The following PDE1C variants were observed in gnomAD, a reference collection of about 807,000 sequenced individuals.
The protein encoded by PDE1C is dual specificity calcium/calmodulin-dependent 3',5'-cyclic nucleotide phosphodiesterase 1C.
A neutral mutation model predicts 93.1 loss-of-function variants in PDE1C; 62 were observed. The ratio of observed to expected loss-of-function variants is 0.67; its 90% confidence interval spans 0.54 to 0.82. The LOEUF is 0.82. Ranked by LOEUF, PDE1C falls within the 40% of genes least tolerant of loss-of-function variation. The pLI, the probability that PDE1C is intolerant of heterozygous loss-of-function variation, is 0.00. For synonymous variants in PDE1C, 325 were observed against 310.1 expected, an observed-to-expected ratio of 1.05 and a Z score of -0.50; for missense variants, 742 against 884.6, an observed-to-expected ratio of 0.84 and a Z score of 2.04.
intron 17 of PDE1C, among the ~76,000 whole-genome samples, chr7:31,770,295 C>A (rs1795401511): frequency 6.6e-6 from 1 of 152,104 alleles, no homozygotes; most frequent in Non-Finnish European, 1.5e-5. Flanking sequence ...ATTCTGGATA[C>A]AAGATCCTCA....
chr7:32,125,687 G>T (rs1438924429), intron 3 of PDE1C, among the ~76,000 whole-genome samples: 1 of 152,006 alleles, frequency 6.6e-6, no homozygotes, highest in Non-Finnish European at 1.5e-5. Context: ...ATGGATAGAG[G>T]GAAGGGAACA....
intron 1 of PDE1C, among the ~76,000 whole-genome samples, chr7:32,407,086 C>T (rs372428822): frequency 6.4e-4 from 98 of 152,238 alleles, no homozygotes; most frequent in Admixed American, 1.0e-3. Context: ...CCAGCCTGGC[C>T]AACATGGTGA....
chr7:32,032,564 G>C (rs942861011), intron 2 of PDE1C, among the ~76,000 whole-genome samples: 1 of 152,170 alleles, frequency 6.6e-6, no homozygotes, highest in South Asian at 2.1e-4. Context: ...AAAGAGAAAA[G>C]TGACTGGACT....
chr7:31,661,196 C>T, the PDE1C span, among the ~76,000 whole-genome samples: 1 of 151,912 alleles, frequency 6.6e-6, no homozygotes, highest in African/African-American at 2.4e-5. Context: ...TAGCCTGATG[C>T]CTATTTTGAG....
At chr7:32,085,157 A>T (rs1796988994) in intron 3 of PDE1C, among the ~76,000 whole-genome samples, 1 of 151,884 alleles carries the variant, frequency 6.6e-6, no homozygotes, top group South Asian at 2.1e-4. Context: ...GCAATAAAAA[A>T]TGATAAAGGA....
At chr7:31,706,014 T>C in the PDE1C span, among the ~76,000 whole-genome samples, 7 of 117,660 alleles carry the variant, frequency 5.9e-5, no homozygotes, top group African/African-American at 2.6e-4. Context: ...TTTTTTTTTT[T>C]TTTTTTTTGA....
At chr7:32,420,622 G>A (rs1785412843) in intron 1 of PDE1C, among the ~76,000 whole-genome samples, 1 of 151,258 alleles carries the variant, frequency 6.6e-6, no homozygotes, top group Non-Finnish European at 1.5e-5. Flanking sequence ...CGTGAGATTT[G>A]AGTAAGATTG....
intron 1 of PDE1C, among the ~76,000 whole-genome samples, chr7:32,347,817 A>T (rs954796842): frequency 1.3e-5 from 2 of 152,260 alleles, no homozygotes; most frequent in African/African-American, 4.8e-5. Context: ...ATTCTTCTCC[A>T]GATAAGAATG....
intron 3 of PDE1C, among the ~76,000 whole-genome samples, chr7:32,130,648 G>C (rs146573262): frequency 7.2e-5 from 11 of 151,810 alleles, no homozygotes; most frequent in Admixed American, 2.0e-4. Flanking sequence ...AACTCTTCTT[G>C]TCCCTGTAGT....
chr7:31,653,155 T>C, the PDE1C span: 21 of 292,356 alleles, frequency 7.2e-5, no homozygotes, highest in African/African-American at 3.8e-4. Flanking sequence ...CCTCAGTCAA[T>C]ATAGAAGTTT....
chr7:31,846,151 C>G (rs548111930), intron 9 of PDE1C, among the ~76,000 whole-genome samples: 1 of 151,940 alleles, frequency 6.6e-6, no homozygotes, highest in Admixed American at 6.6e-5. Flanking sequence ...TGTTCTAAAG[C>G]TTGCATAATT....
At chr7:31,961,025 C>T (rs1161226046) in intron 2 of PDE1C, among the ~76,000 whole-genome samples, 2 of 152,058 alleles carry the variant, frequency 1.3e-5, no homozygotes, top group Non-Finnish European at 1.5e-5. Context: ...TGTCTGCCAC[C>T]CTCTAAAGAA....
chr7:31,652,881 T>C, the PDE1C span: 2 of 1,565,228 alleles, frequency 1.3e-6, no homozygotes, highest in Middle Eastern at 1.7e-4. Flanking sequence ...CCAGAACAGA[T>C]GTAGCAAGGA....
chr7:31,758,845 G>T (rs1166697374), intron 17 of PDE1C, among the ~76,000 whole-genome samples: 4 of 152,120 alleles, frequency 2.6e-5, no homozygotes. Flanking sequence ...AAAGCAGATT[G>T]TTGCAATGTC....
intron 2 of PDE1C, among the ~76,000 whole-genome samples, chr7:31,881,483 A>G (rs1797242468): frequency 6.7e-6 from 1 of 148,624 alleles, no homozygotes; most frequent in East Asian, 2.1e-4. Flanking sequence ...GAGAAGCAAT[A>G]AAACATGTTT....
the PDE1C span, among the ~76,000 whole-genome samples, chr7:31,663,398 C>T: frequency 6.6e-6 from 1 of 152,156 alleles, no homozygotes; most frequent in African/African-American, 2.4e-5. Context: ...TTTCTGCTTT[C>T]CAGGGGCTCC....
chr7:31,746,210 G>A (rs1012950645), downstream of PDE1C, among the ~76,000 whole-genome samples: 6 of 152,190 alleles, frequency 3.9e-5, no homozygotes, highest in African/African-American at 1.4e-4. Flanking sequence ...TTGCAATGGA[G>A]GGCTGTAATT....
At chr7:31,722,098 G>A in the PDE1C span, among the ~76,000 whole-genome samples, 15 of 152,066 alleles carry the variant, frequency 9.9e-5, no homozygotes, top group African/African-American at 3.6e-4. Flanking sequence ...CTCCATGTTC[G>A]ACTCCCTTCT....
At chr7:31,734,533 T>C in the PDE1C span, among the ~76,000 whole-genome samples, 2 of 152,198 alleles carry the variant, frequency 1.3e-5, no homozygotes, top group African/African-American at 4.8e-5. Flanking sequence ...CTGAGGGATA[T>C]TTGTCAGACT....
Sources: allele counts gnomAD v4.1 joint callset (sites outside exome capture counted in the v4.1 genomes callset), GRCh38; gene constraint gnomAD v4.1.1; transcripts MANE v1.5; gene names NCBI Gene and HGNC (gene_info 2026-07-23, HGNC 2026-07-21).